The following PI4KA variants were observed in gnomAD, a reference collection of about 807,000 sequenced individuals.
The protein encoded by PI4KA is PI4-kinase alpha.
Under a neutral mutation model 271.4 loss-of-function variants are expected in PI4KA, and 122 were observed. That is an observed-to-expected ratio of 0.45 (90% CI 0.39 to 0.52). The LOEUF (loss-of-function observed/expected upper bound fraction) is 0.52. Ranked by LOEUF, PI4KA falls within the 20% of genes least tolerant of loss-of-function variation. The pLI, the probability that PI4KA is intolerant of heterozygous loss-of-function variation, is 0.00. For missense variants in PI4KA, 1,969 were observed against 2,769.1 expected, an observed-to-expected ratio of 0.71 and a Z score of 6.48; for synonymous variants, 1,041 against 1,078.8, an observed-to-expected ratio of 0.96 and a Z score of 0.69.
At chr22:20,744,820 T>G (rs1601390088) in intron 29 of PI4KA, 100 bp from the exon 30 acceptor site, 1 of 841,934 alleles carries the variant, frequency 1.2e-6, no homozygotes. Flanking sequence ...CACACTCGGG[T>G]CTGGGGGTTA....
At chr22:20,786,941 G>T in intron 19 of PI4KA, 1 of 1,614,144 alleles carries the variant, frequency 6.2e-7, no homozygotes, top group African/African-American at 1.3e-5. Flanking sequence ...GACCACGGTG[G>T]GGTTCATGCC....
intron 2 of PI4KA, 74 bp from the exon 3 acceptor site, chr22:20,834,729 A>T: frequency 1.1e-6 from 1 of 899,668 alleles, no homozygotes; most frequent in South Asian, 1.4e-5. Context: ...GCCCAGATTA[A>T]GCCCAAAGCA....
chr22:20,830,548 G>C (rs1924023105), intron 3 of PI4KA, among the ~76,000 whole-genome samples: 1 of 151,960 alleles, frequency 6.6e-6, no homozygotes, highest in Non-Finnish European at 1.5e-5. Context: ...ACTGTATGTG[G>C]GATTGGTCTC....
In PI4KA at chr22:20,776,295, G is replaced by A. The variant is rs747949905; in HGVS notation, c.2329-10602C>T. Among the ~76,000 whole-genome samples the A allele has an allele frequency of 1.2e-4, 19 of 152,272 alleles. 1 individual carries two copies. The highest frequency in any genetic ancestry group is 2.0e-4 in the Admixed American group (3 of 15,296). On this transcript the variant is annotated intron_variant, in intron 19 of 54. Coordinates refer to ENST00000255882, the MANE Select transcript of PI4KA (RefSeq NM_058004.4). ...ACCAATATTGTGCCACTGCACTCCAGCCTGGGTGACAGAGTGAGACCCCGC... is the reference window on the plus strand; with the variant it reads ...ACCAATATTGTGCCACTGCACTCCAACCTGGGTGACAGAGTGAGACCCCGC...
intron 19 of PI4KA, among the ~76,000 whole-genome samples, chr22:20,772,081 CCTCATTTAATTTT>C (rs1932898894): frequency 6.6e-6 from 1 of 152,184 alleles, no homozygotes; most frequent in South Asian, 2.1e-4. Flanking sequence ...CATTCATTAA[CCTCATTTAATTTT>C]CTCATTTAAT....
intron 40 of PI4KA, 119 bp from the exon 41 acceptor site, chr22:20,727,516 A>G: frequency 2.1e-6 from 2 of 943,148 alleles, no homozygotes; most frequent in South Asian, 3.5e-5. Flanking sequence ...ATCGGTAACC[A>G]TGGGGAAGAT....
At position 20,747,671 on chromosome 22, in the gene PI4KA, G is replaced by A. The variant is rs144933467; in HGVS notation, c.3275C>T (p.Ser1092Leu). The change falls in exon 29 of 55, where the codon TCG (serine) becomes TTG (leucine). Residue 1092 changes from serine (S) to leucine (L), a missense_variant. Ser to Leu is a moderately radical substitution (Grantham distance 145). This residue lies in a region of PI4KA where 368 missense variants were observed against 544.3 expected (regional missense o/e 0.68). Coordinates refer to ENST00000255882, the MANE Select transcript of PI4KA (RefSeq NM_058004.4). ...EYLNKHQNWV[S>L]GLSQHTGLAM... ...CAGCCCCGTGTGCTGGGACAGTCCC[G>A]ATACCCAGTTCTGATGTTTGTTCAG... The A allele has an allele frequency of 3.7e-5, 59 of 1,613,648 alleles. No individual in the cohort carries two copies. Among genetic ancestry groups the A allele is most frequent in the Middle Eastern group, 1.6e-4 (1 of 6,084 alleles).
chr22:20,745,680 T>G (rs1332371520), intron 29 of PI4KA, among the ~76,000 whole-genome samples: 1 of 152,198 alleles, frequency 6.6e-6, no homozygotes, highest in Non-Finnish European at 1.5e-5. Context: ...CAAGCAGGAC[T>G]GAGTTAGAGC....
intron 1 of PI4KA, among the ~76,000 whole-genome samples, chr22:20,852,506 G>A (rs1927111389): frequency 6.6e-6 from 1 of 152,138 alleles, no homozygotes; most frequent in South Asian, 2.1e-4. Flanking sequence ...CTTTGTTATG[G>A]CAGCCTAGCA....
intron 19 of PI4KA, among the ~76,000 whole-genome samples, chr22:20,767,936 AATTATTATTATT>A (rs58742158): frequency 0.016 from 2,248 of 141,522 alleles, 52 homozygotes; most frequent in African/African-American, 0.051. Context: ...CACCTGGCCT[AATTATTATTATT>A]ATTATTATTA....
intron 2 of PI4KA, among the ~76,000 whole-genome samples, chr22:20,835,181 G>A (rs1190156303): frequency 6.6e-6 from 1 of 151,560 alleles, no homozygotes; most frequent in Non-Finnish European, 1.5e-5. Flanking sequence ...TTCTTCTCAA[G>A]TTGAGCATCA....
chr22:20,721,226 G>C, intron 43 of PI4KA, 72 bp downstream of exon 43: 1 of 1,537,472 alleles, frequency 6.5e-7, no homozygotes, highest in Non-Finnish European at 9.0e-7. Flanking sequence ...CGAGAGCCCT[G>C]GGGGCTGTAG....
rs181456998 is a variant in PI4KA, at chr22:20,854,159, C to T, written c.156+4411G>A. ...TTTTTGAGACAGAGTCTCCGTTTGT[C>T]GCCCAAGCCAGAATGCAGTGGTGAG... is the stretch of plus-strand genomic sequence containing the variant. On this transcript the variant is annotated intron_variant, in intron 1 of 54. Coordinates refer to ENST00000255882, the MANE Select transcript of PI4KA (RefSeq NM_058004.4). Among the ~76,000 whole-genome samples the T allele has an allele frequency of 1.7e-3, 260 of 152,178 alleles. 2 individuals are homozygous for T. Among genetic ancestry groups the T allele is most frequent in the African/African-American group, 6.0e-3 (248 of 41,532 alleles).
chr22:20,708,120 A>C, intron 54 of PI4KA, 22 bp from the exon 55 acceptor site: 2 of 1,609,952 alleles, frequency 1.2e-6, no homozygotes, highest in South Asian at 1.1e-5. Context: ...AGGAAGAGTG[A>C]AGGGAGATTC....
intron 36 of PI4KA, 146 bp downstream of exon 36, chr22:20,732,825 C>G: frequency 1.3e-6 from 1 of 763,816 alleles, no homozygotes; most frequent in Non-Finnish European, 2.2e-6. Context: ...GCACCGGCCT[C>G]CAATGACCGT....
intron 14 of PI4KA, among the ~76,000 whole-genome samples, chr22:20,800,945 C>CAA: frequency 6.8e-6 from 1 of 147,530 alleles, no homozygotes; most frequent in Middle Eastern, 3.5e-3. Context: ...GGCTGGAGTG[C>CAA]AATGGTACAA....
At chr22:20,784,309 G>A (rs1934035621) in intron 19 of PI4KA, 1 of 1,604,828 alleles carries the variant, frequency 6.2e-7, no homozygotes, top group South Asian at 1.1e-5. Flanking sequence ...GGGAATACTG[G>A]AAAATGGATC....
intron 1 of PI4KA, among the ~76,000 whole-genome samples, chr22:20,852,627 C>T (rs1927128150): frequency 1.3e-5 from 2 of 152,102 alleles, no homozygotes; most frequent in Admixed American, 1.3e-4. Context: ...ACCGCGTATA[C>T]CCTCCGCTGA....
At chr22:20,756,361 C>T (rs1931303104) in intron 23 of PI4KA, among the ~76,000 whole-genome samples, 3 of 151,982 alleles carry the variant, frequency 2.0e-5, no homozygotes, top group Admixed American at 2.0e-4. Flanking sequence ...GGTGGGATTA[C>T]AGGCATGCGC....
Sources: gnomAD v4.1 joint callset for allele counts (sites outside exome capture counted in the v4.1 genomes callset) on GRCh38, gnomAD v4.1.1 for gene constraint, gnomAD v4.1.1 regional missense constraint, MANE v1.5 for transcripts, NCBI Gene and HGNC (gene_info 2026-07-23, HGNC 2026-07-21) for gene names.